Variants in PTPRQ observed in about 807,000 individuals in gnomAD.
The protein encoded by PTPRQ is protein tyrosine phosphatase receptor type Q.
In PTPRQ, 199 loss-of-function variants were observed where a neutral mutation model predicts 246.0. That is an observed-to-expected ratio of 0.81 (90% CI 0.72 to 0.91). The LOEUF (loss-of-function observed/expected upper bound fraction) is 0.91, where lower values mean the gene tolerates loss of function less well. PTPRQ is among the 40% of genes least tolerant of loss of function. The pLI is 0.00. For missense variants in PTPRQ, 2,624 were observed against 2,528.4 expected (o/e 1.04, Z -0.81); for synonymous variants, 869 against 853.2 (o/e 1.02, Z -0.32).
At chr12:80,476,744 G>A (rs1893823377) in intron 8 of PTPRQ, among the ~76,000 whole-genome samples, 2 of 152,066 alleles carry the variant, frequency 1.3e-5, no homozygotes, top group South Asian at 2.1e-4. Flanking sequence ...TGCTAAACCT[G>A]TACCGCTGCC....
At chr12:80,664,652 C>T (rs1406883387) in intron 39 of PTPRQ, among the ~76,000 whole-genome samples, 1 of 151,996 alleles carries the variant, frequency 6.6e-6, no homozygotes, top group African/African-American at 2.4e-5. Flanking sequence ...ATTGTCAACA[C>T]TTACTATCTT....
At chr12:80,519,893 G>A (rs889270678) in intron 17 of PTPRQ, among the ~76,000 whole-genome samples, 1 of 152,018 alleles carries the variant, frequency 6.6e-6, no homozygotes, top group Non-Finnish European at 1.5e-5. Context: ...GTGGAACAGG[G>A]GCTCAGTTAG....
chr12:80,630,875 C>T, intron 33 of PTPRQ, among the ~76,000 whole-genome samples: 1 of 152,078 alleles, frequency 6.6e-6, no homozygotes, highest in African/African-American at 2.4e-5. Context: ...TGCCACCACG[C>T]CCAGCTAATT....
intron 21 of PTPRQ, 93 bp downstream of exon 21, chr12:80,541,938 T>A: frequency 2.7e-6 from 4 of 1,462,142 alleles, no homozygotes; most frequent in East Asian, 4.9e-5. Flanking sequence ...ATTATATTGA[T>A]TCTGTTTGAT....
chr12:80,488,512 G>T (rs74110908), intron 9 of PTPRQ, among the ~76,000 whole-genome samples: 4,597 of 152,140 alleles, frequency 0.03, 264 homozygotes, highest in African/African-American at 0.11. Flanking sequence ...TTCTAAAAAT[G>T]AGTGTTAACA....
At chr12:80,574,827 G>T (rs994353348) in intron 25 of PTPRQ, among the ~76,000 whole-genome samples, 1 of 152,094 alleles carries the variant, frequency 6.6e-6, no homozygotes, top group Non-Finnish European at 1.5e-5. Context: ...TTTTTCAGCT[G>T]TCTTTCTACT....
In PTPRQ at chr12:80,472,377, A is replaced by G. The variant is rs967774329; in HGVS notation, c.1186+126A>G. The G allele has an allele frequency of 2.4e-5, 31 of 1,306,836 alleles. No individual in the cohort carries two copies. The African/African-American group carries it at 4.2e-4, about 18-fold the overall frequency. 81.0% of individuals were successfully genotyped at this position (1,306,836 alleles called of 1,614,324 possible). A position where few individuals can be genotyped will look rare whatever the true frequency, so the allele number is the denominator to read the frequency against. On this transcript the variant is annotated intron_variant, in intron 8 of 44. Transcript: ENST00000644991. ...AATCATGTTATTTCCTTATTAAATT[A>G]CTACCTAATTCATTCTGAACATGTG...
rs530311825 is a variant in PTPRQ, at chr12:80,578,587, G to C, written c.4286-9542G>C. Reference sequence around the variant, plus strand: ...TTGTTGTATTTTTAGTAGAGACGAGGTTCCACCGTGTTAGCCAGGATGGTC... The same window carrying C: ...TTGTTGTATTTTTAGTAGAGACGAGCTTCCACCGTGTTAGCCAGGATGGTC... On this transcript the variant is annotated intron_variant, in intron 25 of 44. Coordinates refer to ENST00000644991, the MANE Select transcript of PTPRQ (RefSeq NM_001145026.2). 2.7e-3 allele frequency among the ~76,000 whole-genome samples: 411 copies of C among 152,014 alleles called. 4 individuals are homozygous for C. Among genetic ancestry groups the C allele is most frequent in the Non-Finnish European group, 3.4e-3 (232 of 67,988 alleles).
At chr12:80,469,000 T>A (rs1280658006) in intron 7 of PTPRQ, among the ~76,000 whole-genome samples, 162 bp downstream of exon 7, 1 of 152,212 alleles carries the variant, frequency 6.6e-6, no homozygotes, top group African/African-American at 2.4e-5. Flanking sequence ...TTTGATTTTT[T>A]AATTCAAAAC....
At chr12:80,552,648 T>TAC (rs1896516686) in intron 25 of PTPRQ, among the ~76,000 whole-genome samples, 1 of 3,914 alleles carries the variant, frequency 2.6e-4, no homozygotes, top group Non-Finnish European at 8.3e-4. Context: ...AAAAAAATTA[T>TAC]ATATATATAT....
intron 27 of PTPRQ, among the ~76,000 whole-genome samples, chr12:80,606,993 G>C (rs1898348640): frequency 6.6e-6 from 1 of 151,002 alleles, no homozygotes; most frequent in Non-Finnish European, 1.5e-5. Flanking sequence ...ATATTAAGAA[G>C]TGATTTTGTA....
chr12:80,664,164 G>A (rs1385466242), intron 39 of PTPRQ, among the ~76,000 whole-genome samples: 4 of 151,792 alleles, frequency 2.6e-5, no homozygotes, highest in African/African-American at 9.7e-5. Flanking sequence ...TTAAACTCAT[G>A]GCCACTAACC....
chr12:80,505,930 T>C, intron 14 of PTPRQ, 94 bp from the exon 15 acceptor site: 1 of 1,341,210 alleles, frequency 7.5e-7, no homozygotes, highest in Non-Finnish European at 9.9e-7. Context: ...GAAGGTTCAA[T>C]TGTAAATAAC....
chr12:80,448,582 T>A lies in PTPRQ; in HGVS notation c.390+2865T>A, dbSNP rs564217360. On this transcript the variant is annotated intron_variant, in intron 3 of 44. Transcript: ENST00000644991. Reference sequence around the variant, plus strand: ...ATGTTCCCCTTCCTGTGTCCATGTGTTCTCATTGTTCAATTCCCACCTATG... The same window carrying A: ...ATGTTCCCCTTCCTGTGTCCATGTGATCTCATTGTTCAATTCCCACCTATG... Among the ~76,000 whole-genome samples the A allele has an allele frequency of 6.6e-5, 10 of 150,436 alleles. No homozygotes were observed. The East Asian group carries it at 1.6e-3, about 24-fold the overall frequency.
At position 80,539,839 on chromosome 12, in the gene PTPRQ, A is replaced by G. The variant is rs2120831586; in HGVS notation, c.3049A>G (p.Lys1017Glu). ...TATGACTGTATCCACAATTATAGAT[A>G]AACTGACAATATTCAGCTACTATAC... ...DNMTVSTIID[K>E]LTIFSYYTFW... Residue 1017 changes from lysine (K) to glutamate (E), a missense_variant, in exon 20 of 45, where the codon AAA (lysine) becomes GAA (glutamate). Transcript: ENST00000644991. 1 of 1,548,994 alleles carries G rather than the reference A, an allele frequency of 6.5e-7. No individual in the cohort carries two copies. Among genetic ancestry groups the G allele is most frequent in the South Asian group, 1.2e-5 (1 of 83,548 alleles).
At chr12:80,485,087 AAG>A (rs1362545620) in intron 9 of PTPRQ, among the ~76,000 whole-genome samples, 1 of 152,062 alleles carries the variant, frequency 6.6e-6, no homozygotes, top group Non-Finnish European at 1.5e-5. Flanking sequence ...ACATTTGATT[AAG>A]AGTCACATTA....
At chr12:80,450,077 T>A (rs952709442) in intron 3 of PTPRQ, among the ~76,000 whole-genome samples, 13 of 152,300 alleles carry the variant, frequency 8.5e-5, no homozygotes, top group African/African-American at 2.4e-4. Flanking sequence ...TAGTTCTCCT[T>A]GAAGAGGTCC....
chr12:80,585,746 A>G (rs1022341368), intron 25 of PTPRQ, among the ~76,000 whole-genome samples: 9 of 149,192 alleles, frequency 6.0e-5, no homozygotes, highest in Non-Finnish European at 1.2e-4. Flanking sequence ...TTTTTTTATT[A>G]TTATACTTTA....
At position 80,613,701 on chromosome 12, in the gene PTPRQ, A is replaced by G. The variant is rs752501064; in HGVS notation, c.5028A>G (p.Val1676=). The G allele has an allele frequency of 1.3e-6, 2 of 1,546,404 alleles. No individual in the cohort carries two copies. The highest frequency in any genetic ancestry group is 2.5e-5 in the East Asian group (1 of 40,736). ...PPSQPNGNIQ[V]YQALVYREDD... The stretch of plus-strand genomic sequence containing the variant: ...CTCAACCTAATGGAAATATCCAAGT[A>G]TATCAAGCTCTGGTTTACCGAGAAG... The change falls in exon 29 of 45, where the codon GTA becomes GTG. Residue 1676 remains valine, a synonymous_variant. Coordinates refer to ENST00000644991, the MANE Select transcript of PTPRQ (RefSeq NM_001145026.2).
Sources: allele counts gnomAD v4.1 joint callset (sites outside exome capture counted in the v4.1 genomes callset), GRCh38; gene constraint gnomAD v4.1.1; transcripts MANE v1.5; gene names NCBI Gene and HGNC (gene_info 2026-07-23, HGNC 2026-07-21).